Variants in ROR1 observed in about 807,000 individuals in gnomAD.
ROR1 encodes the protein inactive tyrosine-protein kinase transmembrane receptor ROR1.
In ROR1, 19 loss-of-function variants were observed where a neutral mutation model predicts 78.8. The ratio of observed to expected loss-of-function variants is 0.24; its 90% confidence interval spans 0.17 to 0.35. ROR1 has a LOEUF of 0.35. Ranked by LOEUF, ROR1 falls within the 10% of genes least tolerant of loss-of-function variation. ROR1 has a pLI of 1.00. For missense variants in ROR1, 917 were observed against 1,177.8 expected, an observed-to-expected ratio of 0.78 and a Z score of 3.24; for synonymous variants, 386 against 433.6, an observed-to-expected ratio of 0.89 and a Z score of 1.36.
chr1:64,053,417 A>G (rs1277277046), intron 4 of ROR1, among the ~76,000 whole-genome samples: 1 of 152,094 alleles, frequency 6.6e-6, no homozygotes, highest in Non-Finnish European at 1.5e-5. Context: ...TCAGAATGAT[A>G]TTTTAGTTTA....
chr1:63,787,697 T>A (rs1644700449), intron 1 of ROR1, among the ~76,000 whole-genome samples: 1 of 152,132 alleles, frequency 6.6e-6, no homozygotes, highest in East Asian at 1.9e-4. Context: ...TGCCTAATTT[T>A]TGTATATTTA....
intron 1 of ROR1, among the ~76,000 whole-genome samples, chr1:63,989,398 A>T (rs1312603139): frequency 6.6e-6 from 1 of 152,130 alleles, no homozygotes; most frequent in African/African-American, 2.4e-5. Context: ...TGAAAATAGG[A>T]GGCTATCAGT....
At chr1:63,907,538 C>A (rs1441118372) in intron 1 of ROR1, among the ~76,000 whole-genome samples, 1 of 152,132 alleles carries the variant, frequency 6.6e-6, no homozygotes, top group African/African-American at 2.4e-5. Flanking sequence ...TAAGTCAGGC[C>A]ATGTAGGTGG....
chr1:63,838,393 G>A (rs1244298558), intron 1 of ROR1, among the ~76,000 whole-genome samples: 1 of 151,912 alleles, frequency 6.6e-6, no homozygotes, highest in African/African-American at 2.4e-5. Context: ...GAGCTTCCAG[G>A]GGACAAGATG....
chr1:63,789,227 G>C, intron 1 of ROR1: 5 of 593,918 alleles, frequency 8.4e-6, no homozygotes, highest in South Asian at 7.4e-5. Flanking sequence ...TGGTTTCATT[G>C]GGGTCCAACC....
intron 1 of ROR1, among the ~76,000 whole-genome samples, chr1:63,777,676 A>G (rs922019772): frequency 1.3e-5 from 2 of 152,150 alleles, no homozygotes; most frequent in Admixed American, 6.5e-5. Flanking sequence ...AAAGTTTCTG[A>G]AAGTGTCACT....
chr1:63,963,788 A>G (rs1378071099), intron 1 of ROR1, among the ~76,000 whole-genome samples: 1 of 152,040 alleles, frequency 6.6e-6, no homozygotes, highest in Non-Finnish European at 1.5e-5. Flanking sequence ...AAAGGTGAAG[A>G]GGAAGAACCT....
chr1:64,177,120 T>C (rs1343180577), intron 8 of ROR1, among the ~76,000 whole-genome samples: 1 of 152,178 alleles, frequency 6.6e-6, no homozygotes, highest in Non-Finnish European at 1.5e-5. Flanking sequence ...GAGTCTGCAT[T>C]TGCAGTAAGT....
chr1:63,853,892 C>G (rs1212719150), intron 1 of ROR1, among the ~76,000 whole-genome samples: 1 of 152,206 alleles, frequency 6.6e-6, no homozygotes, highest in Non-Finnish European at 1.5e-5. Flanking sequence ...AATTCATTCA[C>G]TCTAAGAGAT....
chr1:64,023,792 AT>A (rs1646585257), intron 2 of ROR1, among the ~76,000 whole-genome samples: 1 of 152,122 alleles, frequency 6.6e-6, no homozygotes, highest in African/African-American at 2.4e-5. Flanking sequence ...TTTTAACATC[AT>A]TTTTATTGGC....
chr1:63,990,592 A>C (rs1328040956), intron 1 of ROR1, among the ~76,000 whole-genome samples: 1 of 152,162 alleles, frequency 6.6e-6, no homozygotes, highest in Non-Finnish European at 1.5e-5. Context: ...TTTTACCTTT[A>C]AAAACAAAAA....
At chr1:64,111,877 T>C (rs2100674710) in intron 4 of ROR1, 1 of 152,320 alleles carries the variant, frequency 6.6e-6, no homozygotes, top group African/African-American at 2.4e-5. Context: ...TATAAACCAA[T>C]CAAATGTGAT....
intron 4 of ROR1, chr1:64,066,788 A>C (rs1646959562): frequency 6.6e-6 from 1 of 152,166 alleles, no homozygotes; most frequent in South Asian, 2.1e-4. Context: ...ATTAATTTTA[A>C]TATATATTTT....
chr1:64,156,623 C>G (rs1649778403), intron 7 of ROR1, among the ~76,000 whole-genome samples: 1 of 150,294 alleles, frequency 6.7e-6, no homozygotes, highest in African/African-American at 2.5e-5. Context: ...AGGTGAATCG[C>G]TTGAACCCGG....
At chr1:63,950,628 A>G (rs1246188481) in intron 1 of ROR1, among the ~76,000 whole-genome samples, 1 of 152,236 alleles carries the variant, frequency 6.6e-6, no homozygotes, top group Non-Finnish European at 1.5e-5. Flanking sequence ...AATACAGGGC[A>G]GGAGCTTTCA....
chr1:64,049,560 C>G (rs1331018655), intron 2 of ROR1, 131 bp from the exon 3 acceptor site: 6 of 780,684 alleles, frequency 7.7e-6, no homozygotes, highest in Non-Finnish European at 1.3e-5. Flanking sequence ...TGTTTCTTTC[C>G]TTGTCTGTCT....
chr1:63,925,190 A>C (rs1283070953), intron 1 of ROR1, among the ~76,000 whole-genome samples: 1 of 138,748 alleles, frequency 7.2e-6, no homozygotes, highest in Non-Finnish European at 1.5e-5. Flanking sequence ...CAGTCCCCAG[A>C]GTGTGATATT....
At chr1:64,041,959 C>T (rs971541627) in intron 2 of ROR1, among the ~76,000 whole-genome samples, 6 of 152,078 alleles carry the variant, frequency 3.9e-5, no homozygotes, top group South Asian at 2.1e-4. Context: ...GTTGGAGGTG[C>T]GGTTTCACTC....
At chr1:63,832,490 CA>C (rs1362819404) in intron 1 of ROR1, among the ~76,000 whole-genome samples, 1 of 152,136 alleles carries the variant, frequency 6.6e-6, no homozygotes, top group Admixed American at 6.5e-5. Context: ...GTGGGGATTA[CA>C]ATTCGAGATG....
Sources: gnomAD v4.1 joint callset for allele counts (sites outside exome capture counted in the v4.1 genomes callset) on GRCh38, gnomAD v4.1.1 for gene constraint, MANE v1.5 for transcripts, NCBI Gene and HGNC (gene_info 2026-07-23, HGNC 2026-07-21) for gene names.